NRXN1: variants seen among roughly 807,000 people sequenced by gnomAD.
NRXN1 encodes the protein neurexin 1, also known as neurexin-1.
Under a neutral mutation model 150.9 loss-of-function variants are expected in NRXN1, and 39 were observed. That is an observed-to-expected ratio of 0.26 (90% confidence interval 0.20 to 0.34). The LOEUF (loss-of-function observed/expected upper bound fraction) is 0.34. Ranked by LOEUF, NRXN1 falls within the 10% of genes least tolerant of loss-of-function variation. NRXN1 has a pLI of 1.00. For synonymous variants in NRXN1, 924 were observed against 757.0 expected, an observed-to-expected ratio of 1.22 and a Z score of -3.62; for missense variants, 1,815 against 1,949.9, an observed-to-expected ratio of 0.93 and a Z score of 1.30.
chr2:50,045,871 A>G (rs1299461333), intron 21 of NRXN1, among the ~76,000 whole-genome samples: 1 of 152,198 alleles, frequency 6.6e-6, no homozygotes, highest in African/African-American at 2.4e-5. Flanking sequence ...CTGATACAGA[A>G]TATATCAAAA....
At chr2:49,980,792 A>G (rs1679866746) in intron 21 of NRXN1, among the ~76,000 whole-genome samples, 1 of 152,128 alleles carries the variant, frequency 6.6e-6, no homozygotes. Context: ...ATGCTAGAAA[A>G]TAATTTATTT....
intron 17 of NRXN1, among the ~76,000 whole-genome samples, chr2:50,279,897 G>GCC (rs2071176632): frequency 6.6e-6 from 1 of 152,146 alleles, no homozygotes; most frequent in South Asian, 2.1e-4. Flanking sequence ...GTAACACTAA[G>GCC]CCACTTACTT....
chr2:50,144,235 C>T (rs1226555288), intron 18 of NRXN1, among the ~76,000 whole-genome samples: 2 of 151,880 alleles, frequency 1.3e-5, no homozygotes, highest in East Asian at 3.9e-4. Context: ...AATGAGGCCA[C>T]ACTGATTCAA....
At chr2:50,129,568 G>A (rs1705159685) in intron 18 of NRXN1, among the ~76,000 whole-genome samples, 1 of 152,112 alleles carries the variant, frequency 6.6e-6, no homozygotes, top group African/African-American at 2.4e-5. Flanking sequence ...CAACAACTAA[G>A]TTTCATAAAC....
chr2:50,662,014 C>T (rs1328044002), intron 5 of NRXN1, among the ~76,000 whole-genome samples: 1 of 152,012 alleles, frequency 6.6e-6, no homozygotes, highest in East Asian at 1.9e-4. Flanking sequence ...GATTCTGTGA[C>T]AGTATTGATA....
intron 2 of NRXN1, among the ~76,000 whole-genome samples, chr2:50,945,012 A>G (rs1216051618): frequency 6.6e-6 from 1 of 152,190 alleles, no homozygotes; most frequent in Non-Finnish European, 1.5e-5. Flanking sequence ...ACAGCATTCT[A>G]ACATCTACAA....
chr2:50,059,468 A>T (rs1488550466), intron 19 of NRXN1, among the ~76,000 whole-genome samples: 1 of 152,222 alleles, frequency 6.6e-6, no homozygotes, highest in Non-Finnish European at 1.5e-5. Flanking sequence ...GAAAATTTTC[A>T]GCCTGACAAT....
intron 15 of NRXN1, 47 bp from the exon 16 acceptor site, chr2:50,472,518 C>T (rs1341447244): frequency 1.3e-6 from 2 of 1,497,320 alleles, no homozygotes; most frequent in South Asian, 1.2e-5. Flanking sequence ...ATGTCATTGA[C>T]TTTAAACACA....
intron 19 of NRXN1, among the ~76,000 whole-genome samples, chr2:50,073,422 C>T (rs1696595962): frequency 6.6e-6 from 1 of 152,160 alleles, no homozygotes; most frequent in Non-Finnish European, 1.5e-5. Flanking sequence ...CTGTCTTCCA[C>T]TATCCTTTGT....
intron 17 of NRXN1, among the ~76,000 whole-genome samples, chr2:50,323,832 G>A (rs575213381): frequency 6.6e-6 from 1 of 152,098 alleles, no homozygotes; most frequent in South Asian, 2.1e-4. Context: ...ACGACAAGTT[G>A]ACCAAAGTAT....
intron 5 of NRXN1, among the ~76,000 whole-genome samples, chr2:50,847,609 A>G (rs1333752007): frequency 6.6e-6 from 1 of 152,152 alleles, no homozygotes; most frequent in African/African-American, 2.4e-5. Flanking sequence ...CTGGGCCTAT[A>G]AAAACCGGAG....
intron 17 of NRXN1, among the ~76,000 whole-genome samples, chr2:50,276,815 G>C (rs1430400895): frequency 6.6e-6 from 1 of 152,006 alleles, no homozygotes; most frequent in African/African-American, 2.4e-5. Context: ...ATCTTTAAGA[G>C]GGGAAAAGAC....
chr2:50,532,483 G>GT (rs1235983060), intron 10 of NRXN1, among the ~76,000 whole-genome samples: 2 of 152,112 alleles, frequency 1.3e-5, no homozygotes, highest in Non-Finnish European at 2.9e-5. Context: ...GAGCCATTAT[G>GT]TTTAGCAAGG....
At chr2:50,941,124 G>A (rs557309541) in intron 2 of NRXN1, among the ~76,000 whole-genome samples, 1 of 152,000 alleles carries the variant, frequency 6.6e-6, no homozygotes, top group South Asian at 2.1e-4. Flanking sequence ...TCTCTCTTCT[G>A]CCATCATGCA....
At chr2:50,212,609 G>T (rs1298951883) in intron 18 of NRXN1, among the ~76,000 whole-genome samples, 1 of 151,840 alleles carries the variant, frequency 6.6e-6, no homozygotes, top group African/African-American at 2.4e-5. Flanking sequence ...ATTGGTAAAA[G>T]AAGTTGAAGG....
chr2:50,071,106 A>G (rs1319711736), intron 19 of NRXN1, among the ~76,000 whole-genome samples: 1 of 152,200 alleles, frequency 6.6e-6, no homozygotes, highest in Middle Eastern at 3.2e-3. Flanking sequence ...CATCTTTTTT[A>G]TAGCCCAATA....
At chr2:50,875,796 C>T (rs550625959) in intron 5 of NRXN1, among the ~76,000 whole-genome samples, 8 of 151,880 alleles carry the variant, frequency 5.3e-5, no homozygotes, top group African/African-American at 1.9e-4. Context: ...AAGCAAATAA[C>T]ACCCCAGTTA....
intron 22 of NRXN1, among the ~76,000 whole-genome samples, chr2:49,923,138 C>T (rs746101478): frequency 1.8e-4 from 28 of 152,078 alleles, no homozygotes; most frequent in Non-Finnish European, 4.0e-4. Flanking sequence ...TTCTTGAAGG[C>T]CTGGTCAGGC....
intron 18 of NRXN1, among the ~76,000 whole-genome samples, chr2:50,196,762 A>G (rs1272354236): frequency 6.6e-6 from 1 of 152,198 alleles, no homozygotes; most frequent in Non-Finnish European, 1.5e-5. Flanking sequence ...TTGCAGGAAT[A>G]TGGATGGAGC....
Sources: allele counts gnomAD v4.1 joint callset (sites outside exome capture counted in the v4.1 genomes callset), GRCh38; gene constraint gnomAD v4.1.1; transcripts MANE v1.5; gene names NCBI Gene and HGNC (gene_info 2026-07-23, HGNC 2026-07-21).